Variants in HDAC9 observed in about 807,000 individuals in gnomAD.
HDAC9 encodes the protein histone deacetylase 9, also known as MEF-2 interacting transcription repressor (MITR) protein.
A neutral mutation model predicts 139.4 loss-of-function variants in HDAC9; 41 were observed. The observed-to-expected ratio is 0.29, with a 90% confidence interval of 0.23 to 0.38. The LOEUF is 0.38. Ranked by LOEUF, HDAC9 falls within the 10% of genes least tolerant of loss-of-function variation. The pLI is 1.00. For missense variants in HDAC9, 1,147 were observed against 1,297.0 expected, an observed-to-expected ratio of 0.88 and a Z score of 1.78; for synonymous variants, 517 against 476.2, an observed-to-expected ratio of 1.09 and a Z score of -1.12.
intron 1 of HDAC9, among the ~76,000 whole-genome samples, chr7:18,423,808 G>C (rs1789862599): frequency 1.3e-5 from 2 of 152,328 alleles, no homozygotes; most frequent in African/African-American, 4.8e-5. Context: ...AGTGGGCACA[G>C]TACCACTTAT....
rs1785091441 is a variant in HDAC9, at chr7:18,983,467, C to A, written c.3170+7514C>A. Among the ~76,000 whole-genome samples, 5 of 151,954 alleles carry A rather than the reference C, an allele frequency of 3.3e-5. No homozygotes were observed. The South Asian group carries it at 8.3e-4, about 25-fold the overall frequency. On this transcript the variant is annotated intron_variant, in intron 25 of 25. Coordinates refer to ENST00000686413, the MANE Select transcript of HDAC9 (RefSeq NM_178425.4). The stretch of plus-strand genomic sequence containing the variant: ...TTTCAGTTTTTTTGGATGATATATA[C>A]CCAGAAGTGATATTTCTGGATCATA...
At chr7:18,984,344 T>G (rs1262840797) in intron 25 of HDAC9, among the ~76,000 whole-genome samples, 1 of 152,022 alleles carries the variant, frequency 6.6e-6, no homozygotes, top group Non-Finnish European at 1.5e-5. Context: ...CAGAGTTGAG[T>G]AAGCTGGCTG....
chr7:18,584,086 G>T (rs558502859), intron 2 of HDAC9, among the ~76,000 whole-genome samples: 2 of 150,856 alleles, frequency 1.3e-5, no homozygotes, highest in Non-Finnish European at 2.9e-5. Context: ...GGTACACCTG[G>T]ATATCCTGTC....
chr7:18,687,274 A>T (rs1260182965), intron 12 of HDAC9, among the ~76,000 whole-genome samples: 1 of 151,860 alleles, frequency 6.6e-6, no homozygotes, highest in Non-Finnish European at 1.5e-5. Flanking sequence ...AGTACAACCG[A>T]TTTAAGTAGG....
intron 2 of HDAC9, among the ~76,000 whole-genome samples, chr7:18,571,291 T>A (rs1474258798): frequency 6.6e-6 from 1 of 152,214 alleles, no homozygotes; most frequent in Admixed American, 6.5e-5. Flanking sequence ...GAAAAAACAG[T>A]AATGTAATTT....
chr7:18,790,732 ATTGT>A (rs1792229911), intron 16 of HDAC9, among the ~76,000 whole-genome samples: 1 of 152,210 alleles, frequency 6.6e-6, no homozygotes, highest in East Asian at 1.9e-4. Context: ...TGAGATAAAT[ATTGT>A]TTTTGTTTAA....
At chr7:18,371,911 G>C (rs1227344153) in intron 1 of HDAC9, among the ~76,000 whole-genome samples, 1 of 152,158 alleles carries the variant, frequency 6.6e-6, no homozygotes, top group African/African-American at 2.4e-5. Flanking sequence ...TCTGGAGATG[G>C]AAGTTTTGGT....
chr7:18,165,919 G>T (rs777368833), intron 2 of HDAC9, among the ~76,000 whole-genome samples: 7 of 152,116 alleles, frequency 4.6e-5, no homozygotes, highest in Non-Finnish European at 8.8e-5. Context: ...TTATGGGGAG[G>T]TGGATGGACC....
At chr7:18,733,700 T>C (rs1786613320) in intron 13 of HDAC9, among the ~76,000 whole-genome samples, 1 of 151,892 alleles carries the variant, frequency 6.6e-6, no homozygotes, top group Admixed American at 6.6e-5. Flanking sequence ...TACACACACA[T>C]ATATATTTTT....
chr7:18,531,886 C>G (rs1471571153), intron 2 of HDAC9, among the ~76,000 whole-genome samples: 1 of 152,038 alleles, frequency 6.6e-6, no homozygotes, highest in Non-Finnish European at 1.5e-5. Context: ...TATGTTTTGT[C>G]AAAATTTGGT....
intron 15 of HDAC9, among the ~76,000 whole-genome samples, chr7:18,763,149 C>T (rs942959364): frequency 6.6e-6 from 1 of 152,082 alleles, no homozygotes; most frequent in African/African-American, 2.4e-5. Context: ...ACTCTTTCAC[C>T]TAATTCAATA....
chr7:18,729,129 T>C (rs1212935986), intron 13 of HDAC9, among the ~76,000 whole-genome samples: 1 of 152,158 alleles, frequency 6.6e-6, no homozygotes, highest in African/African-American at 2.4e-5. Flanking sequence ...GAATAATTTT[T>C]TGCATGTAGA....
intron 21 of HDAC9, among the ~76,000 whole-genome samples, chr7:18,864,023 TTA>T (rs1370720857): frequency 6.6e-6 from 1 of 152,170 alleles, no homozygotes; most frequent in Non-Finnish European, 1.5e-5. Flanking sequence ...GGCATTTGTA[TTA>T]TATGTTTTTT....
At chr7:18,170,558 A>AG (rs1788349018) in intron 2 of HDAC9, among the ~76,000 whole-genome samples, 1 of 122,754 alleles carries the variant, frequency 8.1e-6, no homozygotes, top group East Asian at 2.6e-4. Flanking sequence ...GTTTTCTTCT[A>AG]GGGTTTTTTT....
intron 1 of HDAC9, among the ~76,000 whole-genome samples, chr7:18,428,159 T>A (rs1464897949): frequency 2.0e-5 from 3 of 152,190 alleles, no homozygotes; most frequent in Admixed American, 6.5e-5. Context: ...TATTTTCAAT[T>A]TTTTTATAAA....
chr7:18,255,287 A>G (rs1405512926), intron 2 of HDAC9, among the ~76,000 whole-genome samples: 1 of 152,202 alleles, frequency 6.6e-6, no homozygotes, highest in African/African-American at 2.4e-5. Flanking sequence ...TGGTCAGGAG[A>G]CAGATAAGTG....
Position 18,999,620 on chromosome 7 carries a change from G to T in HDAC9, c.*3558G>T, listed in dbSNP as rs1786652697. On this transcript the variant is annotated 3_prime_UTR_variant, in exon 26 of 26. Transcript: ENST00000686413. ...CGTCTGGCTAATTTTTGTATTTTTA[G>T]TAGAGACGGGGTTTCTCCATGTTGG... is the stretch of plus-strand genomic sequence containing the variant. The T allele has an allele frequency of 6.6e-6, 1 of 152,054 alleles. No individual in the cohort carries two copies. The highest frequency in any genetic ancestry group is 2.4e-5 in the African/African-American group (1 of 41,382). The allele number at this position is 152,054 out of a possible 1,614,324, so 9.4% of individuals were successfully genotyped here.
chr7:18,508,423 A>T (rs1293505629), intron 2 of HDAC9, among the ~76,000 whole-genome samples: 1 of 152,224 alleles, frequency 6.6e-6, no homozygotes, highest in East Asian at 1.9e-4. Flanking sequence ...AGGATGGGGA[A>T]GCATTTAGCA....
chr7:18,371,255 T>C (rs994259350), intron 1 of HDAC9, among the ~76,000 whole-genome samples: 2 of 152,172 alleles, frequency 1.3e-5, no homozygotes, highest in African/African-American at 4.8e-5. Context: ...ACAACTTTAA[T>C]GTGGATGTTT....
Sources: allele counts gnomAD v4.1 joint callset (sites outside exome capture counted in the v4.1 genomes callset), GRCh38; gene constraint gnomAD v4.1.1; transcripts MANE v1.5; gene names NCBI Gene and HGNC (gene_info 2026-07-23, HGNC 2026-07-21).